SPATA6L: variants seen among roughly 807,000 people sequenced by gnomAD.
SPATA6L encodes the protein spermatogenesis associated 6 like.
In SPATA6L, 68 loss-of-function variants were observed where a neutral mutation model predicts 49.2. The ratio of observed to expected loss-of-function variants is 1.38; its 90% confidence interval spans 1.14 to 1.69. The LOEUF (loss-of-function observed/expected upper bound fraction) is 1.69, where lower values mean the gene tolerates loss of function less well. Among genes scored for constraint, SPATA6L ranks in the 40% most tolerant of loss-of-function variants. The pLI is 0.00. For missense variants in SPATA6L, 668 were observed against 464.3 expected, an observed-to-expected ratio of 1.44 and a Z score of -4.03; for synonymous variants, 198 against 165.7, an observed-to-expected ratio of 1.19 and a Z score of -1.50.
intron 3 of SPATA6L, among the ~76,000 whole-genome samples, chr9:4,638,829 G>A (rs1385083817): frequency 6.7e-6 from 1 of 150,226 alleles, no homozygotes; most frequent in Non-Finnish European, 1.5e-5. Context: ...CTGTCACCCA[G>A]GCTGGAGTGC....
intron 6 of SPATA6L, among the ~76,000 whole-genome samples, chr9:4,623,430 T>G (rs1043361832): frequency 3.3e-5 from 5 of 151,982 alleles, no homozygotes; most frequent in African/African-American, 1.2e-4. Context: ...CTCTTCCAAA[T>G]AGCTACAATA....
rs1564090894 is a variant in SPATA6L, at chr9:4,599,383, A to C, written c.*1428T>G. ...GTTTTTGGAGTTCCTTTTCTGTTTT[A>C]ATTTTTAATTTCATTTTCTTAATTT... On this transcript the variant is annotated 3_prime_UTR_variant, in exon 12 of 12. Coordinates refer to ENST00000682582, the MANE Select transcript of SPATA6L (RefSeq NM_001353486.2). Among the ~76,000 whole-genome samples, 1 of 152,176 alleles carries C rather than the reference A, an allele frequency of 6.6e-6. No individual in the cohort carries two copies. The highest frequency in any genetic ancestry group is 1.5e-5 in the Non-Finnish European group (1 of 68,010).
chr9:4,651,941 T>C (rs776726377), intron 3 of SPATA6L, among the ~76,000 whole-genome samples: 7 of 152,140 alleles, frequency 4.6e-5, no homozygotes, highest in Non-Finnish European at 1.0e-4. Flanking sequence ...TACTGGAGAT[T>C]CTAGCCAGGG....
chr9:4,654,718 C>G (rs1837710527), intron 3 of SPATA6L, among the ~76,000 whole-genome samples: 1 of 152,152 alleles, frequency 6.6e-6, no homozygotes, highest in Admixed American at 6.5e-5. Flanking sequence ...CCAACTGCCC[C>G]GGCCAAACTC....
At chr9:4,626,311 C>T in intron 5 of SPATA6L, 5 of 1,139,212 alleles carry the variant, frequency 4.4e-6, no homozygotes, top group Non-Finnish European at 5.7e-6. Flanking sequence ...TGACCAGAGC[C>T]CCCTGTTCAG....
chr9:4,622,546 C>T lies in SPATA6L; in HGVS notation c.670-36G>A, dbSNP rs778641260. ...AGGAAAGAAATAAGACTAGAATCCA[C>T]TATAGCTTCTAGTACCCTCCCCTCG... On this transcript the variant is annotated intron_variant, in intron 6 of 11. Transcript: ENST00000682582. The T allele has an allele frequency of 8.0e-6, 11 of 1,378,100 alleles. No individual in the cohort carries two copies. The African/African-American group carries it at 1.6e-4, about 20-fold the overall frequency. 85.4% of individuals were successfully genotyped at this position (1,378,100 alleles called of 1,614,324 possible).
chr9:4,617,918 C>A lies in SPATA6L; in HGVS notation c.995+5G>T, dbSNP rs1828382514. On this transcript the variant is annotated splice_donor_5th_base_variant and intron_variant, in intron 9 of 11. Coordinates refer to ENST00000682582, the MANE Select transcript of SPATA6L (RefSeq NM_001353486.2). ...CAGGCAAACAGATGGGTGCTTGCCA[C>A]TGACCTTTCTCTGAGAAGGGGCTGA... The A allele has an allele frequency of 6.2e-7, 1 of 1,602,082 alleles. No homozygotes were observed. The highest frequency in any genetic ancestry group is 1.7e-5 in the Admixed American group (1 of 59,020).
intron 3 of SPATA6L, chr9:4,646,315 C>A (rs115106050): frequency 0.014 from 5,816 of 406,402 alleles, 285 homozygotes; most frequent in African/African-American, 0.1. Context: ...TGAAAATAGA[C>A]AAAATTTAAT....
At chr9:4,606,138 G>T (rs1364413747) in intron 9 of SPATA6L, among the ~76,000 whole-genome samples, 1 of 151,868 alleles carries the variant, frequency 6.6e-6, no homozygotes, top group Non-Finnish European at 1.5e-5. Flanking sequence ...CACCTGGCTC[G>T]GAGGGTCCTA....
chr9:4,662,235 T>TCCA lies in SPATA6L; in HGVS notation c.40-202_40-200dup, dbSNP rs146811512. ...GGAAATTCCAACTCCCTCCCACGTC[T>TCCA]CCACCAGGTGTCACAATCGCGCTCT... On this transcript the variant is annotated intron_variant, in intron 1 of 11. Transcript: ENST00000682582. This position sits in a 1 kb window ranked among gnomAD's most constrained non-coding sequence, Gnocchi z 4.9. The TCCA allele has an allele frequency of 1.8e-3, 2,609 of 1,433,604 alleles. 30 individuals carry two copies. The African/African-American group carries it at 0.035, about 19-fold the overall frequency. The allele number at this position is 1,433,604 out of a possible 1,614,324, so 88.8% of individuals were successfully genotyped here.
At chr9:4,601,661 G>A (rs944585201) in intron 11 of SPATA6L, among the ~76,000 whole-genome samples, 2 of 152,204 alleles carry the variant, frequency 1.3e-5, no homozygotes, top group Non-Finnish European at 2.9e-5. Flanking sequence ...GGACCTGGCA[G>A]TGAAACAGAT....
chr9:4,650,690 T>C (rs1213954167), intron 3 of SPATA6L, among the ~76,000 whole-genome samples: 1 of 152,150 alleles, frequency 6.6e-6, no homozygotes, highest in Non-Finnish European at 1.5e-5. Context: ...GACGGAGTCT[T>C]GCTCTGTCGC....
downstream of SPATA6L, among the ~76,000 whole-genome samples, chr9:4,594,502 G>T (rs752331836): frequency 1.3e-5 from 2 of 152,202 alleles, no homozygotes; most frequent in African/African-American, 4.8e-5. Flanking sequence ...GTGAGCCACC[G>T]CGCCCAGCGG....
intron 6 of SPATA6L, 33 bp from the exon 7 acceptor site, chr9:4,622,543 C>A: frequency 6.9e-7 from 1 of 1,443,542 alleles, no homozygotes; most frequent in Non-Finnish European, 9.7e-7. Context: ...AGACTAGAAT[C>A]CACTATAGCT....
intron 4 of SPATA6L, among the ~76,000 whole-genome samples, chr9:4,629,769 G>GTGTA (rs1311805859): frequency 2.0e-4 from 20 of 101,936 alleles, no homozygotes; most frequent in African/African-American, 7.0e-4. Flanking sequence ...GTGTGTGTGT[G>GTGTA]TATATATATA....
intron 9 of SPATA6L, among the ~76,000 whole-genome samples, chr9:4,616,147 C>T (rs192135406): frequency 2.2e-4 from 33 of 152,126 alleles, no homozygotes; most frequent in Admixed American, 1.8e-3. Context: ...CATGCCGGTG[C>T]GCACCTGCAG....
intron 1 of SPATA6L, chr9:4,663,598 G>T: frequency 3.7e-6 from 1 of 267,598 alleles, no homozygotes; most frequent in Non-Finnish European, 7.7e-6. Flanking sequence ...TTTGTGTTTT[G>T]TGATAATCCC....
intron 7 of SPATA6L, among the ~76,000 whole-genome samples, chr9:4,619,394 G>C (rs1164465489): frequency 6.6e-6 from 1 of 151,970 alleles, no homozygotes; most frequent in Non-Finnish European, 1.5e-5. Context: ...CTGACCTCAG[G>C]TGACCCACCC....
intron 3 of SPATA6L, among the ~76,000 whole-genome samples, chr9:4,650,840 G>A (rs996897940): frequency 2.5e-4 from 9 of 36,588 alleles, no homozygotes; most frequent in Non-Finnish European, 5.4e-4. Flanking sequence ...GTGTGTGTGT[G>A]TGTGTGTGTG....
Sources: allele counts gnomAD v4.1 joint callset (sites outside exome capture counted in the v4.1 genomes callset), GRCh38; gene constraint gnomAD v4.1.1; non-coding constraint Gnocchi (gnomAD v3.1); transcripts MANE v1.5; gene names NCBI Gene and HGNC (gene_info 2026-07-23, HGNC 2026-07-21).